The following M1AP variants were observed in gnomAD, a reference collection of about 807,000 sequenced individuals.
The protein encoded by M1AP is meiosis 1 associated protein, also known as meiosis 1 arrest protein.
Under a neutral mutation model 51.2 loss-of-function variants are expected in M1AP, and 39 were observed. The ratio of observed to expected loss-of-function variants is 0.76; its 90% CI spans 0.59 to 1.00. The LOEUF is 1.00. M1AP is among the 50% of genes least tolerant of loss of function. The pLI, the probability that M1AP is intolerant of heterozygous loss-of-function variation, is 0.00. For synonymous variants in M1AP, 251 were observed against 249.2 expected, an observed-to-expected ratio of 1.01 and a Z score of -0.07; for missense variants, 545 against 641.2, an observed-to-expected ratio of 0.85 and a Z score of 1.62.
intron 4 of M1AP, among the ~76,000 whole-genome samples, chr2:74,582,395 C>G (rs959028317): frequency 6.6e-6 from 1 of 152,166 alleles, no homozygotes; most frequent in Non-Finnish European, 1.5e-5. Context: ...CAAATCCCCT[C>G]AATAGGGAAT....
intron 7 of M1AP, among the ~76,000 whole-genome samples, chr2:74,568,373 G>A (rs953112983): frequency 3.9e-5 from 6 of 152,242 alleles, no homozygotes; most frequent in Non-Finnish European, 8.8e-5. Context: ...GAGTTGCTGA[G>A]GCAATGAGAT....
intron 4 of M1AP, among the ~76,000 whole-genome samples, chr2:74,582,443 G>A (rs770543013): frequency 2.0e-5 from 3 of 152,184 alleles, no homozygotes; most frequent in Non-Finnish European, 4.4e-5. Flanking sequence ...GGAGTATTAC[G>A]TGTTTGTTAA....
chr2:74,591,757 G>T (rs1403706308), intron 4 of M1AP, among the ~76,000 whole-genome samples: 1 of 152,030 alleles, frequency 6.6e-6, no homozygotes, highest in Non-Finnish European at 1.5e-5. Flanking sequence ...AGCTAAAGAA[G>T]ACGCTCAAAT....
intron 3 of M1AP, among the ~76,000 whole-genome samples, chr2:74,610,580 T>C (rs1288690891): frequency 2.0e-5 from 3 of 152,136 alleles, no homozygotes; most frequent in Admixed American, 6.5e-5. Flanking sequence ...TCCTGGGTAG[T>C]TGGAACTACA....
intron 2 of M1AP, chr2:74,628,884 T>A (rs1260087601): frequency 1.1e-4 from 47 of 420,394 alleles, no homozygotes; most frequent in Non-Finnish European, 9.6e-6. Flanking sequence ...AGTTGTCTCC[T>A]CTTCTGCATC....
chr2:74,607,916 T>C (rs1344074274), intron 3 of M1AP, among the ~76,000 whole-genome samples: 1 of 152,176 alleles, frequency 6.6e-6, no homozygotes, highest in Admixed American at 6.5e-5. Flanking sequence ...TTATTATTAT[T>C]ATTTTAAAAG....
At chr2:74,564,778 G>C (rs1051670871) in intron 7 of M1AP, among the ~76,000 whole-genome samples, 4 of 152,190 alleles carry the variant, frequency 2.6e-5, no homozygotes, top group African/African-American at 9.7e-5. Context: ...AAGCCTGGAA[G>C]GGATAGAAAC....
intron 2 of M1AP, among the ~76,000 whole-genome samples, chr2:74,627,244 A>G (rs530463600): frequency 1.3e-5 from 2 of 152,144 alleles, no homozygotes; most frequent in Non-Finnish European, 2.9e-5. Flanking sequence ...TGTTCATTTC[A>G]TTCATAAGTA....
chr2:74,578,808 T>C (rs879553896), intron 5 of M1AP, among the ~76,000 whole-genome samples: 4 of 152,182 alleles, frequency 2.6e-5, no homozygotes, highest in African/African-American at 9.7e-5. Context: ...CTGAGATGCA[T>C]ACCCCAAAGA....
intron 1 of M1AP, among the ~76,000 whole-genome samples, chr2:74,646,068 G>A (rs182471497): frequency 8.5e-5 from 13 of 152,180 alleles, no homozygotes; most frequent in African/African-American, 1.2e-4. Flanking sequence ...CTGATATAGC[G>A]TACTGATATA....
At chr2:74,619,349 C>A in intron 2 of M1AP, 1 of 196,012 alleles carries the variant, frequency 5.1e-6, no homozygotes, top group Non-Finnish European at 1.1e-5. Context: ...GGAATATGCA[C>A]TCACATTACC....
At chr2:74,561,804 C>T in intron 8 of M1AP, 1 of 808,136 alleles carries the variant, frequency 1.2e-6, no homozygotes, top group Non-Finnish European at 1.5e-6. Flanking sequence ...GTGGCTTCCT[C>T]CCCTGCCTCC....
chr2:74,616,691 A>T (rs1271418518), intron 2 of M1AP, among the ~76,000 whole-genome samples: 1 of 152,208 alleles, frequency 6.6e-6, no homozygotes, highest in South Asian at 2.1e-4. Context: ...AGATTGAGTT[A>T]TTATTAGAAT....
In M1AP at chr2:74,620,617, T is replaced by C. The variant is rs964677762; in HGVS notation, c.241-5468A>G. ...AAGAAAAGAGAAGCAGAGGCCAGAGTTAGTGCAGTTTGCCCAGACCAGTCC... is the reference window on the plus strand; with the variant it reads ...AAGAAAAGAGAAGCAGAGGCCAGAGCTAGTGCAGTTTGCCCAGACCAGTCC... On this transcript the variant is annotated intron_variant, in intron 2 of 10. Coordinates refer to ENST00000421985, the MANE Select transcript of M1AP (RefSeq NM_001321739.2). 9.0e-5 allele frequency: 18 copies of C among 200,856 alleles called. No homozygotes were observed. In the East Asian group the frequency reaches 1.5e-3, roughly 16 times the overall value. 12.4% of individuals were successfully genotyped at this position (200,856 alleles called of 1,614,324 possible).
intron 4 of M1AP, among the ~76,000 whole-genome samples, chr2:74,582,950 GAC>G (rs1244196815): frequency 2.0e-5 from 3 of 152,118 alleles, no homozygotes; most frequent in African/African-American, 7.2e-5. Context: ...GAATCTGGGA[GAC>G]AGAGGCTACA....
chr2:74,608,970 C>T lies in M1AP; in HGVS notation c.427-1747G>A, dbSNP rs193295005. Among the ~76,000 whole-genome samples, 111 of 152,224 alleles carry T rather than the reference C, an allele frequency of 7.3e-4. 1 individual carries two copies. In the South Asian group the frequency reaches 0.011, roughly 15 times the overall value. ...GACACATAATAATTGTACACATTTA[C>T]GGGTACAGTGTGATGTTTTGATACA... is the stretch of plus-strand genomic sequence containing the variant. On this transcript the variant is annotated intron_variant, in intron 3 of 10. Transcript: ENST00000421985.
chr2:74,560,454 A>T (rs1040236594), intron 8 of M1AP, among the ~76,000 whole-genome samples, 163 bp from the exon 9 acceptor site: 2 of 152,172 alleles, frequency 1.3e-5, no homozygotes, highest in African/African-American at 4.8e-5. Flanking sequence ...TTCTGGCCTG[A>T]GGTCCAGTGC....
intron 8 of M1AP, among the ~76,000 whole-genome samples, chr2:74,561,271 A>AGGAGG (rs1677993232): frequency 3.1e-5 from 2 of 63,842 alleles, no homozygotes; most frequent in African/African-American, 1.2e-4. Context: ...GAAGAAGAAA[A>AGGAGG]AGAAGGAGGT....
chr2:74,576,992 A>AATATG lies in M1AP; in HGVS notation c.770-379_770-375dup, dbSNP rs550812615. ...CTGTGGAGGAGGTAGCTAATGCCAA[A>AATATG]ATATGCAGAGGCCCTTTGGCAATCA... On this transcript the variant is annotated intron_variant, in intron 5 of 10. Transcript: ENST00000421985. 7.2e-4 allele frequency: 570 copies of AATATG among 789,116 alleles called. 7 individuals are homozygous for AATATG. In the South Asian group the frequency reaches 0.026, roughly 36 times the overall value. 48.9% of individuals were successfully genotyped at this position (789,116 alleles called of 1,614,324 possible).
Sources: gnomAD v4.1 joint callset for allele counts (sites outside exome capture counted in the v4.1 genomes callset) on GRCh38, gnomAD v4.1.1 for gene constraint, MANE v1.5 for transcripts, NCBI Gene and HGNC (gene_info 2026-07-23, HGNC 2026-07-21) for gene names.